Variants in ERC2 observed in about 807,000 individuals in gnomAD.
ERC2 encodes the protein ELKS/RAB6-interacting/CAST family member 2.
In ERC2, 42 loss-of-function variants were observed where a neutral mutation model predicts 114.8. The ratio of observed to expected loss-of-function variants is 0.37; its 90% CI spans 0.29 to 0.47. The LOEUF (loss-of-function observed/expected upper bound fraction) is 0.47. Ranked by LOEUF, ERC2 falls within the 20% of genes least tolerant of loss-of-function variation. ERC2 has a pLI of 0.99. For missense variants in ERC2, 939 were observed against 1,150.7 expected, an observed-to-expected ratio of 0.82 and a Z score of 2.66; for synonymous variants, 454 against 425.5, an observed-to-expected ratio of 1.07 and a Z score of -0.82.
chr3:55,888,152 C>G (rs1221867711), intron 14 of ERC2, among the ~76,000 whole-genome samples: 2 of 152,172 alleles, frequency 1.3e-5, no homozygotes, highest in Non-Finnish European at 2.9e-5. Context: ...AACACAGACA[C>G]CCAAAATCTA....
intron 10 of ERC2, among the ~76,000 whole-genome samples, chr3:55,993,957 G>T (rs1489234994): frequency 6.6e-6 from 1 of 152,058 alleles, no homozygotes; most frequent in African/African-American, 2.4e-5. Context: ...ATGTAGAGCA[G>T]AAATTCTATT....
chr3:55,580,917 GT>G (rs1333123792), intron 17 of ERC2, among the ~76,000 whole-genome samples: 5 of 152,226 alleles, frequency 3.3e-5, no homozygotes, highest in Non-Finnish European at 7.3e-5. Flanking sequence ...TTTAAATAGG[GT>G]GGTTAGATGA....
At chr3:56,276,025 A>C (rs1161254111) in intron 3 of ERC2, among the ~76,000 whole-genome samples, 1 of 152,200 alleles carries the variant, frequency 6.6e-6, no homozygotes, top group Non-Finnish European at 1.5e-5. Context: ...GTAGATTTGC[A>C]AACTTGCACT....
intron 2 of ERC2, among the ~76,000 whole-genome samples, chr3:56,319,377 A>C (rs2057021505): frequency 6.6e-6 from 1 of 152,204 alleles, no homozygotes; most frequent in South Asian, 2.1e-4. Flanking sequence ...TACGCTAAAT[A>C]AAATAAGCCA....
chr3:55,528,438 G>A (rs2053467784), intron 17 of ERC2, among the ~76,000 whole-genome samples: 1 of 152,130 alleles, frequency 6.6e-6, no homozygotes, highest in African/African-American at 2.4e-5. Context: ...GCAAATTCAG[G>A]TAAATGTTAT....
chr3:55,767,664 A>G (rs1315049745), intron 14 of ERC2, among the ~76,000 whole-genome samples: 1 of 152,204 alleles, frequency 6.6e-6, no homozygotes, highest in African/African-American at 2.4e-5. Context: ...CCCTCCTGCC[A>G]GCTCTGCTCT....
chr3:55,732,466 G>A (rs969426248), intron 15 of ERC2, among the ~76,000 whole-genome samples: 3 of 152,072 alleles, frequency 2.0e-5, no homozygotes, highest in Non-Finnish European at 2.9e-5. Flanking sequence ...CGTAGCTGAG[G>A]TTTCCCAAAT....
chr3:56,068,412 A>G (rs2076578595), intron 7 of ERC2, among the ~76,000 whole-genome samples: 2 of 151,602 alleles, frequency 1.3e-5, no homozygotes, highest in African/African-American at 4.8e-5. Flanking sequence ...TATTATGTCT[A>G]TTTGATTCTT....
At chr3:56,124,390 T>A (rs2079759039) in intron 6 of ERC2, among the ~76,000 whole-genome samples, 1 of 152,202 alleles carries the variant, frequency 6.6e-6, no homozygotes, top group Non-Finnish European at 1.5e-5. Flanking sequence ...GATAAGGGTG[T>A]ACGTAACAAT....
intron 2 of ERC2, among the ~76,000 whole-genome samples, chr3:56,323,381 T>A (rs1294786277): frequency 1.3e-5 from 2 of 152,146 alleles, no homozygotes; most frequent in Non-Finnish European, 2.9e-5. Flanking sequence ...AGCTACCGTC[T>A]TTGACAATGA....
intron 14 of ERC2, among the ~76,000 whole-genome samples, chr3:55,796,810 A>G (rs1364499837): frequency 6.6e-6 from 1 of 152,154 alleles, no homozygotes; most frequent in Non-Finnish European, 1.5e-5. Context: ...AGTTCACACT[A>G]CTCGCAAGCC....
intron 17 of ERC2, chr3:55,613,025 C>G (rs1009978387): frequency 6.6e-6 from 1 of 152,198 alleles, no homozygotes; most frequent in African/African-American, 2.4e-5. Context: ...TCCGGCAACC[C>G]TAATCCAGGA....
chr3:56,174,704 G>T (rs1220570722), intron 3 of ERC2, among the ~76,000 whole-genome samples: 1 of 152,160 alleles, frequency 6.6e-6, no homozygotes, highest in Non-Finnish European at 1.5e-5. Flanking sequence ...ATGGGATCAG[G>T]TGTGGTGGCT....
chr3:56,329,881 T>G (rs1034499929), intron 2 of ERC2, among the ~76,000 whole-genome samples: 2 of 151,376 alleles, frequency 1.3e-5, no homozygotes, highest in Non-Finnish European at 2.9e-5. Flanking sequence ...TTCCACTATA[T>G]ATATTTCCAC....
At chr3:55,585,648 G>C (rs147074649) in intron 17 of ERC2, among the ~76,000 whole-genome samples, 1,828 of 152,246 alleles carry the variant, frequency 0.012, 20 homozygotes, top group Non-Finnish European at 0.017. Flanking sequence ...GAGCTCTTTG[G>C]GGGGACCCTG....
At chr3:56,399,797 C>T (rs2060454138) in intron 2 of ERC2, among the ~76,000 whole-genome samples, 1 of 151,962 alleles carries the variant, frequency 6.6e-6, no homozygotes, top group Non-Finnish European at 1.5e-5. Context: ...TTTATTCAGC[C>T]TCTAGATTCA....
chr3:55,906,244 A>G (rs2064430790), intron 13 of ERC2, among the ~76,000 whole-genome samples: 1 of 151,574 alleles, frequency 6.6e-6, no homozygotes, highest in African/African-American at 2.4e-5. Flanking sequence ...CACCCTGGCT[A>G]ACACGGTGAA....
intron 4 of ERC2, among the ~76,000 whole-genome samples, chr3:56,166,376 G>C (rs1368761203): frequency 6.6e-6 from 1 of 151,764 alleles, no homozygotes; most frequent in African/African-American, 2.4e-5. Context: ...ACATATGCTG[G>C]CCTCATAAAA....
chr3:55,649,373 G>A (rs542420974), intron 17 of ERC2, among the ~76,000 whole-genome samples: 2 of 150,470 alleles, frequency 1.3e-5, no homozygotes, highest in Non-Finnish European at 2.9e-5. Context: ...CAATTCTCCT[G>A]CCTCAGCCTC....
Sources: gnomAD v4.1 joint callset for allele counts (sites outside exome capture counted in the v4.1 genomes callset) on GRCh38, gnomAD v4.1.1 for gene constraint, MANE v1.5 for transcripts, NCBI Gene and HGNC (gene_info 2026-07-23, HGNC 2026-07-21) for gene names.